PTK2B: variants seen among roughly 807,000 people sequenced by gnomAD.
PTK2B encodes protein tyrosine kinase 2 beta.
Under a neutral mutation model 142.9 loss-of-function variants are expected in PTK2B, and 71 were observed. That is an observed-to-expected ratio of 0.50 (90% CI 0.41 to 0.61). PTK2B has a LOEUF of 0.61. Ranked by LOEUF, PTK2B falls within the 20% of genes least tolerant of loss-of-function variation. PTK2B has a pLI of 0.00. For synonymous variants in PTK2B, 519 were observed against 503.4 expected, an observed-to-expected ratio of 1.03 and a Z score of -0.42; for missense variants, 1,105 against 1,320.4, an observed-to-expected ratio of 0.84 and a Z score of 2.53.
rs777068626 is a variant in PTK2B, at chr8:27,433,432, C to T, written c.988-3C>T. 2.5e-6 allele frequency: 4 copies of T among 1,612,930 alleles called. No individual in the cohort carries two copies. Among genetic ancestry groups the T allele is most frequent in the East Asian group, 4.5e-5 (2 of 44,864 alleles). ...TCACCCTTGGCTGGTCTCTGCTCCG[C>T]AGGCCTTGTCCATCAAAACCTCATC... is the stretch of plus-strand genomic sequence containing the variant. On this transcript the variant is annotated splice_polypyrimidine_tract_variant and splice_region_variant and intron_variant, in intron 10 of 30. Transcript: ENST00000346049.
Position 27,422,322 on chromosome 8 carries a change from C to T in PTK2B, c.490C>T (p.Gln164Ter). ...CCACCAGCTCCGGAACGACTACATGCAGCGCTACGCCAGCAAGGTCAGCGA... is the reference window on the plus strand; with the variant it reads ...CCACCAGCTCCGGAACGACTACATGTAGCGCTACGCCAGCAAGGTCAGCGA... ...FYQQLRNDYM[Q>*]RYASKVSEGM... is the part of the protein sequence containing the mutation. Residue 164 changes from glutamine to a stop codon, truncating the protein, a stop_gained, in exon 5 of 31, where the codon CAG (glutamine) becomes TAG (stop). Coordinates refer to ENST00000346049, the MANE Select transcript of PTK2B (RefSeq NM_173176.3). LOFTEE classifies it high-confidence loss of function. 1 of 1,613,668 alleles carries T rather than the reference C, an allele frequency of 6.2e-7. No homozygotes were observed. Among genetic ancestry groups the T allele is most frequent in the Non-Finnish European group, 8.5e-7 (1 of 1,179,762 alleles).
chr8:27,451,810 T>A, intron 27 of PTK2B: 5 of 1,267,880 alleles, frequency 3.9e-6, no homozygotes, highest in Non-Finnish European at 5.0e-6. Context: ...TCTTCCTCAT[T>A]TCCTGCTCTG....
At chr8:27,311,698 TC>T (rs1802979019) in exon 1 of PTK2B, 1 of 172,038 alleles carries the variant, frequency 5.8e-6, no homozygotes, top group East Asian at 1.7e-4. Flanking sequence ...AGTGGCTGGG[TC>T]TTAAAGCACC....
intron 1 of PTK2B, among the ~76,000 whole-genome samples, chr8:27,354,723 C>T (rs1206244368): frequency 6.6e-6 from 1 of 152,146 alleles, no homozygotes; most frequent in Non-Finnish European, 1.5e-5. Context: ...TTACATACCG[C>T]TGGGCTGTTT....
chr8:27,370,397 C>T (rs1039269538), intron 1 of PTK2B, among the ~76,000 whole-genome samples: 1 of 152,138 alleles, frequency 6.6e-6, no homozygotes, highest in African/African-American at 2.4e-5. Context: ...CATTCAAGAC[C>T]ACGTTATTAG....
rs537338916 is a variant in PTK2B, at chr8:27,400,259, T to G, written c.204+2471T>G. Reference sequence around the variant, plus strand: ...TGAACAGATTCTTTTGCAATAAGACTTCTCAGAACCTTAAATAGGCTGATA... The same window carrying G: ...TGAACAGATTCTTTTGCAATAAGACGTCTCAGAACCTTAAATAGGCTGATA... On this transcript the variant is annotated intron_variant, in intron 2 of 30. Coordinates refer to ENST00000346049, the MANE Select transcript of PTK2B (RefSeq NM_173176.3). 2.0e-5 allele frequency among the ~76,000 whole-genome samples: 3 copies of G among 152,312 alleles called. No homozygotes were observed. In the South Asian group the frequency reaches 6.2e-4, roughly 32 times the overall value.
intron 1 of PTK2B, among the ~76,000 whole-genome samples, chr8:27,330,767 G>C (rs1189652001): frequency 2.6e-5 from 4 of 152,148 alleles, no homozygotes; most frequent in African/African-American, 4.8e-5. Flanking sequence ...CAGATGCAGC[G>C]GGCAGGTTGG....
intron 2 of PTK2B, among the ~76,000 whole-genome samples, chr8:27,416,635 ACT>A (rs1347627109): frequency 6.6e-6 from 1 of 152,192 alleles, no homozygotes; most frequent in Non-Finnish European, 1.5e-5. Flanking sequence ...GACAAGTTAG[ACT>A]CTGTCAGAAG....
intron 1 of PTK2B, among the ~76,000 whole-genome samples, chr8:27,390,955 G>A (rs1807681582): frequency 6.6e-6 from 1 of 152,204 alleles, no homozygotes; most frequent in Non-Finnish European, 1.5e-5. Flanking sequence ...TGGCTTACCA[G>A]CCCTGAAGAA....
At chr8:27,401,909 A>G (rs2059970) in intron 2 of PTK2B, among the ~76,000 whole-genome samples, 125,195 of 152,154 alleles carry the variant, frequency 0.82, 52,044 homozygotes, top group Middle Eastern at 0.95. Context: ...GATGGTGATG[A>G]TGACAGTAGT....
At chr8:27,332,539 C>T (rs915153106) in intron 1 of PTK2B, among the ~76,000 whole-genome samples, 11 of 152,138 alleles carry the variant, frequency 7.2e-5, no homozygotes, top group Admixed American at 6.5e-4. Flanking sequence ...TTCTCCCCAT[C>T]ACCCCCTTTA....
At chr8:27,446,295 A>G (rs1811465985) in intron 24 of PTK2B, among the ~76,000 whole-genome samples, 1 of 152,200 alleles carries the variant, frequency 6.6e-6, no homozygotes, top group South Asian at 2.1e-4. Flanking sequence ...TCCTTCCTAA[A>G]TGATGGCTTT....
intron 1 of PTK2B, among the ~76,000 whole-genome samples, chr8:27,335,825 A>G (rs1240292032): frequency 1.3e-5 from 2 of 152,098 alleles, no homozygotes; most frequent in Non-Finnish European, 2.9e-5. Flanking sequence ...TTGTATGTGC[A>G]ATCAGGGGGT....
Position 27,316,089 on chromosome 8 carries a change from A to C in PTK2B, c.-414+2802A>C, listed in dbSNP as rs543412672. 2.4e-4 allele frequency among the ~76,000 whole-genome samples: 36 copies of C among 152,306 alleles called. No homozygotes were observed. In the South Asian group the frequency reaches 7.5e-3, roughly 32 times the overall value. ...CCTTATTGATGTTCAAGTCCTATGT[A>C]TACTAGCTAATCTTCTGCAAGAGCT... On this transcript the variant is annotated intron_variant, in intron 3 of 35. Coordinates refer to the PTK2B transcript ENST00000397501.
chr8:27,330,472 T>G (rs1803679704), intron 1 of PTK2B, among the ~76,000 whole-genome samples: 1 of 152,204 alleles, frequency 6.6e-6, no homozygotes, highest in Non-Finnish European at 1.5e-5. Flanking sequence ...CCTCATTAAC[T>G]CTTTAGACAG....
chr8:27,354,175 G>C (rs1339510158), intron 1 of PTK2B, among the ~76,000 whole-genome samples: 2 of 152,146 alleles, frequency 1.3e-5, no homozygotes, highest in Non-Finnish European at 2.9e-5. Flanking sequence ...CCCAGCCATA[G>C]CCCTATCACC....
upstream of PTK2B, among the ~76,000 whole-genome samples, chr8:27,321,040 A>AAATTC (rs1803203881): frequency 8.6e-6 from 1 of 116,246 alleles, no homozygotes; most frequent in Admixed American, 1.2e-4. Flanking sequence ...TGCCCAAGCT[A>AAATTC]AATTCATCCA....
chr8:27,370,159 G>A (rs1806263835), intron 1 of PTK2B, among the ~76,000 whole-genome samples: 1 of 152,190 alleles, frequency 6.6e-6, no homozygotes, highest in Non-Finnish European at 1.5e-5. Flanking sequence ...ATCATTATCA[G>A]AACAGCTGTG....
intron 5 of PTK2B, among the ~76,000 whole-genome samples, chr8:27,426,706 G>A (rs573536030): frequency 1.3e-5 from 2 of 152,216 alleles, no homozygotes; most frequent in Admixed American, 6.5e-5. Context: ...ATGCCTGAGA[G>A]AAGGGCCATT....
Sources: gnomAD v4.1 joint callset for allele counts (sites outside exome capture counted in the v4.1 genomes callset) on GRCh38, gnomAD v4.1.1 for gene constraint, MANE v1.5 for transcripts, NCBI Gene and HGNC (gene_info 2026-07-23, HGNC 2026-07-21) for gene names.